MARCHF3: variants seen among roughly 807,000 people sequenced by gnomAD.
MARCHF3 encodes membrane associated ring-CH-type finger 3.
MARCHF3 carries 13 observed loss-of-function variants against 24.2 expected under a neutral mutation model. That is an observed-to-expected ratio of 0.54 (90% CI 0.35 to 0.85). The LOEUF is 0.85. Ranked by LOEUF, MARCHF3 falls within the 40% of genes least tolerant of loss-of-function variation. MARCHF3 has a pLI of 0.01. For missense variants in MARCHF3, 276 were observed against 325.0 expected, an observed-to-expected ratio of 0.85 and a Z score of 1.16; for synonymous variants, 144 against 137.3, an observed-to-expected ratio of 1.05 and a Z score of -0.34.
At chr5:126,981,558 T>C (rs912049449) in intron 1 of MARCHF3, among the ~76,000 whole-genome samples, 9 of 152,210 alleles carry the variant, frequency 5.9e-5, no homozygotes, top group Admixed American at 5.2e-4. Context: ...AGAGAAATGG[T>C]TGTAGGATAT....
intron 4 of MARCHF3, among the ~76,000 whole-genome samples, chr5:126,873,330 T>C (rs961006225): frequency 6.6e-6 from 1 of 152,050 alleles, no homozygotes; most frequent in Admixed American, 6.6e-5. Context: ...CATTTTAGTG[T>C]TCTTGGGCTG....
chr5:126,908,495 T>C (rs1754385241), intron 3 of MARCHF3, among the ~76,000 whole-genome samples: 1 of 152,206 alleles, frequency 6.6e-6, no homozygotes, highest in Non-Finnish European at 1.5e-5. Context: ...CATAGTCCCA[T>C]ATTTCTTGGA....
At chr5:126,927,226 A>G (rs1249125707) in intron 1 of MARCHF3, among the ~76,000 whole-genome samples, 1 of 152,194 alleles carries the variant, frequency 6.6e-6, no homozygotes, top group East Asian at 1.9e-4. Context: ...AAGCACAAGA[A>G]CAAAGTAACA....
Position 126,964,838 on chromosome 5 carries a change from C to G in MARCHF3, c.-56-46611G>C, listed in dbSNP as rs1481328660. ...CAACATGGTGAGCCAGTTTTGGGAA[C>G]AGGCATCTGGGCAAGTGAGCAAGAC... On this transcript the variant is annotated intron_variant, in intron 1 of 4. Transcript: ENST00000308660. Among the ~76,000 whole-genome samples the G allele has an allele frequency of 1.3e-5, 2 of 152,088 alleles. 1 individual carries two copies. The highest frequency in any genetic ancestry group is 2.9e-5 in the Non-Finnish European group (2 of 68,002).
intron 1 of MARCHF3, among the ~76,000 whole-genome samples, chr5:126,949,305 C>A (rs982175623): frequency 2.0e-5 from 3 of 152,142 alleles, no homozygotes; most frequent in African/African-American, 7.2e-5. Context: ...ACACACAGAT[C>A]ATTTAAACCA....
At chr5:127,001,006 G>A (rs528289897) in intron 1 of MARCHF3, among the ~76,000 whole-genome samples, 143 of 152,272 alleles carry the variant, frequency 9.4e-4, no homozygotes, top group African/African-American at 3.0e-3. Context: ...TTGGGAGGCC[G>A]AGGTGGGCAG....
chr5:126,921,901 A>G (rs1749120280), intron 1 of MARCHF3, among the ~76,000 whole-genome samples: 1 of 152,190 alleles, frequency 6.6e-6, no homozygotes, highest in Non-Finnish European at 1.5e-5. Flanking sequence ...CAGTGAAAAC[A>G]GAGGGGGTGG....
intron 1 of MARCHF3, among the ~76,000 whole-genome samples, chr5:126,925,597 A>T (rs1172899181): frequency 6.6e-6 from 1 of 152,210 alleles, no homozygotes; most frequent in East Asian, 1.9e-4. Context: ...GCAATTAAAA[A>T]TCCCACAACA....
chr5:126,942,441 TA>T (rs58742851), intron 1 of MARCHF3, among the ~76,000 whole-genome samples: 123 of 149,254 alleles, frequency 8.2e-4, no homozygotes, highest in African/African-American at 2.7e-3. Context: ...TTTAGTTTTG[TA>T]AAAAAAAAAT....
At chr5:126,922,512 T>TATTTA (rs138769891) in intron 1 of MARCHF3, among the ~76,000 whole-genome samples, 7 of 142,876 alleles carry the variant, frequency 4.9e-5, no homozygotes, top group Non-Finnish European at 9.1e-5. Context: ...CATTTCTGTC[T>TATTTA]TTTATTTATT....
At chr5:126,915,228 G>A in intron 2 of MARCHF3, 94 bp from the exon 3 acceptor site, 1 of 1,043,760 alleles carries the variant, frequency 9.6e-7, no homozygotes, top group Non-Finnish European at 1.3e-6. Flanking sequence ...GCCCTCCCCA[G>A]AGGCAGCTGC....
chr5:127,009,008 A>C (rs1427414588), intron 1 of MARCHF3, among the ~76,000 whole-genome samples: 1 of 152,094 alleles, frequency 6.6e-6, no homozygotes, highest in African/African-American at 2.4e-5. Flanking sequence ...GTTACCTATA[A>C]GCAAAATCTT....
At chr5:127,006,988 T>C (rs1227882024) in intron 1 of MARCHF3, among the ~76,000 whole-genome samples, 1 of 142,600 alleles carries the variant, frequency 7.0e-6, no homozygotes, top group African/African-American at 2.5e-5. Context: ...AAACTACTTC[T>C]TTTTTTTTTT....
At chr5:127,000,311 T>C (rs892388834) in intron 1 of MARCHF3, among the ~76,000 whole-genome samples, 2 of 152,066 alleles carry the variant, frequency 1.3e-5, no homozygotes, top group Admixed American at 6.6e-5. Flanking sequence ...CTAGAAGAAA[T>C]AGAAGTTTAG....
chr5:126,992,153 C>T (rs1751786138), intron 1 of MARCHF3, among the ~76,000 whole-genome samples: 1 of 152,214 alleles, frequency 6.6e-6, no homozygotes, highest in Non-Finnish European at 1.5e-5. Context: ...TTTGCGCTCA[C>T]ATTCTGTTAG....
chr5:126,885,289 T>C (rs1459138237), intron 3 of MARCHF3, among the ~76,000 whole-genome samples: 2 of 152,204 alleles, frequency 1.3e-5, no homozygotes, highest in Non-Finnish European at 2.9e-5. Flanking sequence ...ATGAATAGGC[T>C]GGGTGTGGTG....
intron 3 of MARCHF3, among the ~76,000 whole-genome samples, chr5:126,911,290 C>A (rs1754523293): frequency 6.6e-6 from 1 of 152,154 alleles, no homozygotes; most frequent in African/African-American, 2.4e-5. Context: ...ACTCCCTCCC[C>A]TTTTGAAAAT....
At chr5:126,902,728 ATTTAAGC>A (rs2126783913) in intron 3 of MARCHF3, among the ~76,000 whole-genome samples, 1 of 152,232 alleles carries the variant, frequency 6.6e-6, no homozygotes, top group East Asian at 1.9e-4. Context: ...GCTTCTTTGT[ATTTAAGC>A]TTTAAGTAAC....
At chr5:126,883,234 T>C (rs923943685) in intron 3 of MARCHF3, among the ~76,000 whole-genome samples, 3 of 152,190 alleles carry the variant, frequency 2.0e-5, no homozygotes, top group African/African-American at 7.2e-5. Flanking sequence ...CCAAGGTCAA[T>C]GATTGAGACT....
Sources: gnomAD v4.1 joint callset for allele counts (sites outside exome capture counted in the v4.1 genomes callset) on GRCh38, gnomAD v4.1.1 for gene constraint, MANE v1.5 for transcripts, NCBI Gene and HGNC (gene_info 2026-07-23, HGNC 2026-07-21) for gene names.